Variants in IGF2BP3 observed in about 807,000 individuals in gnomAD.
The protein encoded by IGF2BP3 is insulin-like growth factor 2 mRNA-binding protein 3.
Under a neutral mutation model 73.8 loss-of-function variants are expected in IGF2BP3, and 9 were observed. The observed-to-expected ratio is 0.12, with a 90% CI of 0.07 to 0.21. IGF2BP3 has a LOEUF of 0.21. Among genes scored for constraint, IGF2BP3 ranks in the 10% least tolerant of loss-of-function variants. IGF2BP3 has a pLI of 1.00. For synonymous variants in IGF2BP3, 258 were observed against 256.7 expected, an observed-to-expected ratio of 1.01 and a Z score of -0.05; for missense variants, 542 against 714.0, an observed-to-expected ratio of 0.76 and a Z score of 2.75.
At chr7:23,323,219 A>C (rs911052634) in intron 10 of IGF2BP3, among the ~76,000 whole-genome samples, 2 of 151,956 alleles carry the variant, frequency 1.3e-5, no homozygotes, top group African/African-American at 4.9e-5. Flanking sequence ...AAAAGGATGG[A>C]GGAAGATCTA....
At chr7:23,457,412 C>G (rs1384538867) in intron 2 of IGF2BP3, among the ~76,000 whole-genome samples, 1 of 151,772 alleles carries the variant, frequency 6.6e-6, no homozygotes, top group Non-Finnish European at 1.5e-5. Flanking sequence ...TTTCAGTGAG[C>G]AGAGATCGCG....
chr7:23,367,395 C>T (rs1473821779), intron 3 of IGF2BP3, among the ~76,000 whole-genome samples: 2 of 148,182 alleles, frequency 1.3e-5, no homozygotes, highest in Non-Finnish European at 2.9e-5. Context: ...CTCAGTACTG[C>T]TAATCATTCT....
chr7:23,437,520 A>G (rs1381147464), intron 2 of IGF2BP3, among the ~76,000 whole-genome samples: 1 of 151,886 alleles, frequency 6.6e-6, no homozygotes, highest in Non-Finnish European at 1.5e-5. Flanking sequence ...AAATAAATAA[A>G]TAAAACAATC....
chr7:23,470,329 A>T lies in IGF2BP3; in HGVS notation c.-219T>A, dbSNP rs775878261. ...TGTGTTTTAAAAGAGAAAGAAAAGA[A>T]AAAGCCTAGCTACAACCCAAACGCA... On this transcript the variant is annotated 5_prime_UTR_variant, in exon 1 of 15. Transcript: ENST00000258729. 2.7e-6 allele frequency: 1 copy of T among 370,866 alleles called. No individual in the cohort carries two copies. The allele number at this position is 370,866 out of a possible 1,614,324, so 23.0% of individuals were successfully genotyped here. A position where few individuals can be genotyped will look rare whatever the true frequency, so the allele number is the denominator to read the frequency against.
intron 3 of IGF2BP3, among the ~76,000 whole-genome samples, chr7:23,379,553 TAATC>T (rs1308284797): frequency 6.6e-6 from 1 of 152,200 alleles, no homozygotes; most frequent in African/African-American, 2.4e-5. Context: ...GGTCCATTAA[TAATC>T]AAGGAGAAGT....
intron 10 of IGF2BP3, among the ~76,000 whole-genome samples, chr7:23,319,820 G>C (rs904075729): frequency 6.6e-6 from 1 of 152,148 alleles, no homozygotes; most frequent in East Asian, 1.9e-4. Context: ...CCAAGCACAG[G>C]ACAGGATTAG....
chr7:23,421,140 G>C (rs1423680954), intron 2 of IGF2BP3, among the ~76,000 whole-genome samples: 11 of 152,090 alleles, frequency 7.2e-5, no homozygotes, highest in Non-Finnish European at 1.5e-5. Flanking sequence ...CTCCTGCGTA[G>C]CTGGGATTGC....
intron 2 of IGF2BP3, among the ~76,000 whole-genome samples, chr7:23,446,758 T>TACAAA (rs1337649541): frequency 6.6e-6 from 1 of 151,940 alleles, no homozygotes; most frequent in African/African-American, 2.4e-5. Flanking sequence ...AAAGAAAAAA[T>TACAAA]AGTAACTTTA....
At chr7:23,374,230 G>C (rs1429486802) in intron 3 of IGF2BP3, among the ~76,000 whole-genome samples, 1 of 152,096 alleles carries the variant, frequency 6.6e-6, no homozygotes, top group Non-Finnish European at 1.5e-5. Flanking sequence ...AGCAACCCAA[G>C]CATCCTCTGA....
chr7:23,444,149 CT>C (rs1039357552), intron 2 of IGF2BP3, among the ~76,000 whole-genome samples: 1 of 152,030 alleles, frequency 6.6e-6, no homozygotes, highest in Non-Finnish European at 1.5e-5. Flanking sequence ...GGGTTTTGTT[CT>C]TTTTTTATTT....
At chr7:23,438,156 G>A (rs1267881406) in intron 2 of IGF2BP3, among the ~76,000 whole-genome samples, 1 of 152,200 alleles carries the variant, frequency 6.6e-6, no homozygotes, top group Non-Finnish European at 1.5e-5. Flanking sequence ...GTCTCACTCT[G>A]TTGCCCAGGC....
intron 2 of IGF2BP3, among the ~76,000 whole-genome samples, chr7:23,451,328 G>A (rs1788190483): frequency 6.6e-6 from 1 of 152,298 alleles, no homozygotes; most frequent in South Asian, 2.1e-4. Context: ...TGAGGCAGGA[G>A]AATCGCTTGA....
rs1788654471 is a variant in IGF2BP3 at position 23,469,463 on chromosome 7, C to G, written c.175+473G>C. ...CCAGCCTCGCGGTCTCACTCGGCAG[C>G]ACGGTCGAGGCCACTTTCCGTTCTC... On this transcript the variant is annotated intron_variant, in intron 1 of 14. Transcript: ENST00000258729. This position sits in a 1 kb window ranked among gnomAD's most constrained non-coding sequence, Gnocchi z 6.1. 1 of 152,364 alleles carries G rather than the reference C, an allele frequency of 6.6e-6. No homozygotes were observed. Among genetic ancestry groups the G allele is most frequent in the African/African-American group, 2.4e-5 (1 of 41,454 alleles). The allele number at this position is 152,364 out of a possible 1,614,324, so 9.4% of individuals were successfully genotyped here.
At chr7:23,460,186 AAAAAAAAAAAC>A (rs1417547901) in intron 2 of IGF2BP3, among the ~76,000 whole-genome samples, 1 of 149,932 alleles carries the variant, frequency 6.7e-6, no homozygotes, top group Non-Finnish European at 1.5e-5. Context: ...CTCAAAAAAA[AAAAAAAAAAAC>A]AAAAACGAAA....
At chr7:23,393,264 C>G (rs1786343688) in intron 3 of IGF2BP3, among the ~76,000 whole-genome samples, 1 of 152,178 alleles carries the variant, frequency 6.6e-6, no homozygotes, top group Non-Finnish European at 1.5e-5. Context: ...AATCAGACAA[C>G]TCGTTCACAA....
chr7:23,343,602 T>C (rs757360939), intron 9 of IGF2BP3, 116 bp downstream of exon 9: 37 of 1,006,410 alleles, frequency 3.7e-5, no homozygotes, highest in Non-Finnish European at 5.2e-5. Context: ...GTGCTAAAAA[T>C]CAACTAGAAC....
chr7:23,437,485 AAAAT>A (rs71770418), intron 2 of IGF2BP3, among the ~76,000 whole-genome samples: 74,261 of 148,356 alleles, frequency 0.5, 19,215 homozygotes, highest in East Asian at 0.88. Flanking sequence ...CTTCATTTCA[AAAAT>A]AAATAAATAA....
chr7:23,415,543 T>C (rs2128533882), intron 3 of IGF2BP3: 1 of 273,930 alleles, frequency 3.7e-6, no homozygotes, highest in African/African-American at 2.3e-5. Flanking sequence ...TCAGTCGGCA[T>C]CACCGCATCC....
intron 5 of IGF2BP3, among the ~76,000 whole-genome samples, chr7:23,355,906 C>CT (rs1785084657): frequency 6.7e-6 from 1 of 148,284 alleles, no homozygotes; most frequent in Non-Finnish European, 1.5e-5. Flanking sequence ...GCACCCCAGC[C>CT]TAGGTGATGA....
Sources: allele counts gnomAD v4.1 joint callset (sites outside exome capture counted in the v4.1 genomes callset), GRCh38; gene constraint gnomAD v4.1.1; non-coding constraint Gnocchi (gnomAD v3.1); transcripts MANE v1.5; gene names NCBI Gene and HGNC (gene_info 2026-07-23, HGNC 2026-07-21).